The following ATP10B variants were observed in gnomAD, a reference collection of about 807,000 sequenced individuals.
The protein encoded by ATP10B is phospholipid-transporting ATPase VB.
ATP10B carries 122 observed loss-of-function variants against 141.2 expected under a neutral mutation model. The ratio of observed to expected loss-of-function variants is 0.86; its 90% CI spans 0.75 to 1.00. ATP10B has a LOEUF of 1.00. Among genes scored for constraint, ATP10B ranks in the 50% least tolerant of loss-of-function variants. The pLI is 0.00. For missense variants in ATP10B, 1,876 were observed against 1,825.3 expected, an observed-to-expected ratio of 1.03 and a Z score of -0.51; for synonymous variants, 685 against 692.0, an observed-to-expected ratio of 0.99 and a Z score of 0.16.
chr5:160,822,872 G>A (rs1774211765), intron 1 of ATP10B, among the ~76,000 whole-genome samples: 1 of 150,836 alleles, frequency 6.6e-6, no homozygotes, highest in African/African-American at 2.4e-5. Flanking sequence ...GGGAAGGGTA[G>A]TACAGGGTAG....
intron 3 of ATP10B, among the ~76,000 whole-genome samples, chr5:160,696,162 A>G (rs1015977141): frequency 6.6e-6 from 1 of 152,100 alleles, no homozygotes; most frequent in Admixed American, 6.5e-5. Flanking sequence ...GCTGGAGTGC[A>G]ATGGCATGAT....
At chr5:160,734,866 T>G (rs1056942776) in intron 2 of ATP10B, among the ~76,000 whole-genome samples, 1 of 151,732 alleles carries the variant, frequency 6.6e-6, no homozygotes, top group African/African-American at 2.4e-5. Flanking sequence ...TAAAAATAAG[T>G]AAGAATATAG....
the ATP10B span, among the ~76,000 whole-genome samples, chr5:160,904,958 C>A: frequency 6.6e-6 from 1 of 152,092 alleles, no homozygotes; most frequent in Non-Finnish European, 1.5e-5. Context: ...GAGACTGAGG[C>A]CCAAAGAGAG....
intron 1 of ATP10B, among the ~76,000 whole-genome samples, chr5:160,802,975 A>G (rs554010176): frequency 6.6e-6 from 1 of 152,172 alleles, no homozygotes; most frequent in African/African-American, 2.4e-5. Context: ...CTGCTTGCTC[A>G]GAAGGAAGGA....
rs115997483 is a variant in ATP10B at position 160,702,648 on chromosome 5, G to A, written c.-204-13705C>T. Among the ~76,000 whole-genome samples, 261 of 152,166 alleles carry A rather than the reference G, an allele frequency of 1.7e-3. 1 individual carries two copies. The highest frequency in any genetic ancestry group is 6.0e-3 in the African/African-American group (248 of 41,526). On this transcript the variant is annotated intron_variant, in intron 3 of 25. Transcript: ENST00000327245. Reference sequence around the variant, plus strand: ...TTATGACTCAGGGCTTTTGACTTTTGTCTCCTTTGATCTGAGGGAATTATG... The same window carrying A: ...TTATGACTCAGGGCTTTTGACTTTTATCTCCTTTGATCTGAGGGAATTATG...
At chr5:160,725,021 G>C (rs1766237856) in intron 2 of ATP10B, among the ~76,000 whole-genome samples, 1 of 152,092 alleles carries the variant, frequency 6.6e-6, no homozygotes. Context: ...AGAAAGCCTA[G>C]AATAGTTCCT....
At chr5:160,789,750 G>A (rs1380200383) in intron 1 of ATP10B, among the ~76,000 whole-genome samples, 1 of 152,182 alleles carries the variant, frequency 6.6e-6, no homozygotes, top group African/African-American at 2.4e-5. Flanking sequence ...TGGCAGAATA[G>A]ATAGTGGAGG....
At chr5:160,733,053 A>C (rs1011599581) in intron 2 of ATP10B, among the ~76,000 whole-genome samples, 2 of 152,128 alleles carry the variant, frequency 1.3e-5, no homozygotes, top group Non-Finnish European at 2.9e-5. Context: ...GGTATTATGG[A>C]TATTTTAACA....
intron 9 of ATP10B, among the ~76,000 whole-genome samples, chr5:160,642,924 C>T (rs965596024): frequency 6.6e-6 from 1 of 152,218 alleles, no homozygotes; most frequent in Non-Finnish European, 1.5e-5. Context: ...ATATACCACT[C>T]CCATCACCTA....
intron 1 of ATP10B, among the ~76,000 whole-genome samples, chr5:160,827,862 C>T (rs557032403): frequency 1.3e-5 from 2 of 152,258 alleles, no homozygotes; most frequent in South Asian, 2.1e-4. Context: ...TTCCCCATTG[C>T]TTGTTCTTCT....
At position 160,617,993 on chromosome 5, in the gene ATP10B, C is replaced by T; in HGVS notation, c.2417-20G>A. ...CAGGTACTGTCAAATAGCCATTTTC[C>T]CGCATGAGGCCACATACAAATGCTC... On this transcript the variant is annotated intron_variant, in intron 15 of 25. Transcript: ENST00000327245. The T allele has an allele frequency of 6.3e-7, 1 of 1,579,144 alleles. No individual in the cohort carries two copies. Among genetic ancestry groups the T allele is most frequent in the South Asian group, 1.1e-5 (1 of 90,336 alleles).
In ATP10B at chr5:160,632,320, A is replaced by G; in HGVS notation, c.1429T>C (p.Trp477Arg). The part of the protein sequence containing the change: ...PKELDSDGEE[W>R]TQYQCLSFSA... The stretch of plus-strand genomic sequence containing the variant: ...AAGGACAGGCATTGGTATTGGGTCC[A>G]CTCTTCACCATCTGAGTCCAGCTCC... Residue 477 changes from tryptophan (W) to arginine (R), a missense_variant, in exon 13 of 26, where the codon TGG (tryptophan) becomes CGG (arginine). Physicochemically the swap from Trp to Arg is moderately radical, Grantham distance 101. Transcript: ENST00000327245. The G allele has an allele frequency of 6.2e-7, 1 of 1,613,984 alleles. No individual in the cohort carries two copies. Among genetic ancestry groups the G allele is most frequent in the Non-Finnish European group, 8.5e-7 (1 of 1,179,976 alleles).
chr5:160,803,237 C>T (rs779480808), intron 1 of ATP10B, among the ~76,000 whole-genome samples: 8 of 152,116 alleles, frequency 5.3e-5, no homozygotes, highest in Non-Finnish European at 1.2e-4. Context: ...ATTAAGAAAC[C>T]ACACTATCAC....
At chr5:160,775,368 A>G (rs555468163) in intron 2 of ATP10B, among the ~76,000 whole-genome samples, 4 of 152,358 alleles carry the variant, frequency 2.6e-5, no homozygotes, top group African/African-American at 9.6e-5. Context: ...TTAATTTGAT[A>G]GTGCCTGCTT....
In ATP10B at chr5:160,725,595, G is replaced by A. The variant is rs141926479; in HGVS notation, c.-330-8561C>T. On this transcript the variant is annotated intron_variant, in intron 2 of 25. Coordinates refer to ENST00000327245, the MANE Select transcript of ATP10B (RefSeq NM_025153.3). ...CAAGTAGCTGGGACTACAGGCGCCC[G>A]CCATCACACCCGGCTGATTTTTTGT... Among the ~76,000 whole-genome samples the A allele has an allele frequency of 9.7e-3, 1,482 of 152,170 alleles. 30 individuals are homozygous for A. The highest frequency in any genetic ancestry group is 0.034 in the African/African-American group (1,419 of 41,532).
In ATP10B at chr5:160,651,041, T is replaced by C. The variant is rs554244190; in HGVS notation, c.676-1785A>G. On this transcript the variant is annotated intron_variant, in intron 7 of 25. Coordinates refer to ENST00000327245, the MANE Select transcript of ATP10B (RefSeq NM_025153.3). Reference sequence around the variant, plus strand: ...ATAGTAGCTAATAGAGCAAAATAAATAGCATTTACTGGACACTTATTTCTG... The same window carrying C: ...ATAGTAGCTAATAGAGCAAAATAAACAGCATTTACTGGACACTTATTTCTG... Among the ~76,000 whole-genome samples, 6 of 152,296 alleles carry C rather than the reference T, an allele frequency of 3.9e-5. No individual in the cohort carries two copies. The East Asian group carries it at 9.6e-4, about 24-fold the overall frequency.
intron 1 of ATP10B, among the ~76,000 whole-genome samples, chr5:160,821,838 C>T (rs1162942719): frequency 6.6e-6 from 1 of 152,066 alleles, no homozygotes; most frequent in African/African-American, 2.4e-5. Context: ...CCCCCTATTT[C>T]TTGCTATATA....
At chr5:160,605,156 C>T (rs1292559083) in intron 19 of ATP10B, among the ~76,000 whole-genome samples, 1 of 152,162 alleles carries the variant, frequency 6.6e-6, no homozygotes, top group Non-Finnish European at 1.5e-5. Context: ...TGCCTTCATT[C>T]TTTTCCTGGC....
intron 5 of ATP10B, 118 bp from the exon 6 acceptor site, chr5:160,686,391 C>A (rs1763753203): frequency 3.0e-6 from 2 of 674,054 alleles, no homozygotes; most frequent in Non-Finnish European, 4.6e-6. Flanking sequence ...AGTATCACCT[C>A]AAACATTATG....
Sources: gnomAD v4.1 joint callset for allele counts (sites outside exome capture counted in the v4.1 genomes callset) on GRCh38, gnomAD v4.1.1 for gene constraint, MANE v1.5 for transcripts, NCBI Gene and HGNC (gene_info 2026-07-23, HGNC 2026-07-21) for gene names.